The following MYO3B variants were observed in gnomAD, a reference collection of about 807,000 sequenced individuals.
The protein encoded by MYO3B is myosin IIIB.
In MYO3B, 156 loss-of-function variants were observed where a neutral mutation model predicts 174.6. That is an observed-to-expected ratio of 0.89 (90% CI 0.78 to 1.02). The LOEUF (loss-of-function observed/expected upper bound fraction) is 1.02. MYO3B is among the 50% of genes least tolerant of loss of function. The probability of loss-of-function intolerance (pLI) is 0.00; values close to 1 mark genes in which losing one functional copy is unlikely to be tolerated. For synonymous variants in MYO3B, 563 were observed against 569.1 expected (o/e 0.99, Z 0.15); for missense variants, 1,632 against 1,639.4 (o/e 1.00, Z 0.08).
rs558090338 is a variant in MYO3B at position 170,368,306 on chromosome 2, T to G, written c.816-916T>G. Reference sequence around the variant, plus strand: ...TTTATCCTAAGCCTCCAATGTGGGCTTAAGGACAAGTGGCTTAAAAGGGTA... The same window carrying G: ...TTTATCCTAAGCCTCCAATGTGGGCGTAAGGACAAGTGGCTTAAAAGGGTA... On this transcript the variant is annotated intron_variant, in intron 8 of 34. Transcript: ENST00000408978. Among the ~76,000 whole-genome samples, 208 of 152,348 alleles carry G rather than the reference T, an allele frequency of 1.4e-3. 1 individual carries two copies. The highest frequency in any genetic ancestry group is 3.7e-3 in the Admixed American group (56 of 15,304).
rs112803479 is a variant in MYO3B at position 170,252,702 on chromosome 2, A to G, written c.749+16566A>G. Among the ~76,000 whole-genome samples the G allele has an allele frequency of 3.2e-3, 492 of 152,308 alleles. 6 individuals carry two copies. Among genetic ancestry groups the G allele is most frequent in the African/African-American group, 0.011 (472 of 41,570 alleles). The stretch of plus-strand genomic sequence containing the variant: ...CCTGTATGAAGAAAAATAAAATGAG[A>G]TAAAGAGAATACAGAGTGACAGTTG... On this transcript the variant is annotated intron_variant, in intron 7 of 34. Transcript: ENST00000408978.
intron 8 of MYO3B, chr2:170,346,347 A>T (rs1426133733): frequency 6.6e-6 from 1 of 152,122 alleles, no homozygotes; most frequent in Non-Finnish European, 1.5e-5. Context: ...AGTGTATTTT[A>T]TGTGTGGTCG....
At chr2:170,182,569 T>C (rs954291387) in intron 1 of MYO3B, among the ~76,000 whole-genome samples, 1 of 152,038 alleles carries the variant, frequency 6.6e-6, no homozygotes, top group African/African-American at 2.4e-5. Flanking sequence ...TCACTAATTA[T>C]TCTTTTTTAA....
At chr2:170,260,997 A>G (rs573327031) in intron 7 of MYO3B, among the ~76,000 whole-genome samples, 11 of 152,088 alleles carry the variant, frequency 7.2e-5, no homozygotes, top group Admixed American at 3.9e-4. Context: ...TAAAGGATAC[A>G]TTTTTTCTTT....
intron 6 of MYO3B, among the ~76,000 whole-genome samples, chr2:170,221,189 G>A (rs1161679496): frequency 2.0e-5 from 3 of 151,986 alleles, no homozygotes; most frequent in African/African-American, 7.2e-5. Flanking sequence ...ACTTCTGCTT[G>A]TATGAATAAG....
intron 32 of MYO3B, among the ~76,000 whole-genome samples, chr2:170,571,123 T>C (rs1692411176): frequency 6.6e-6 from 1 of 152,164 alleles, no homozygotes; most frequent in Non-Finnish European, 1.5e-5. Context: ...TCCAAAGGAA[T>C]AGGAGATGTT....
In MYO3B at chr2:170,407,781, G is replaced by A. The variant is rs376964267; in HGVS notation, c.2587G>A (p.Val863Ile). 3.1e-6 allele frequency: 5 copies of A among 1,614,086 alleles called. No individual in the cohort carries two copies. The highest frequency in any genetic ancestry group is 4.2e-6 in the Non-Finnish European group (5 of 1,179,984). The change falls in exon 22 of 35, where the codon GTC (valine) becomes ATC (isoleucine). Residue 863 changes from valine to isoleucine, a missense_variant. Coordinates refer to ENST00000408978, the MANE Select transcript of MYO3B (RefSeq NM_138995.5). The stretch of plus-strand genomic sequence containing the variant: ...CACTCTCCCTGCCGATGTGGTTGTG[G>A]TCCTGAGAACGTCAGAAAACAAGCT... ...RDTLPADVVV[V>I]LRTSENKLLQ...
chr2:170,353,625 T>C lies in MYO3B; in HGVS notation c.816-15597T>C, dbSNP rs553503661. ...TTGTAACAAATGTACAGGTGGGGGA[T>C]GTTGACAGTGGAGAGGCTGTGCGTG... On this transcript the variant is annotated intron_variant, in intron 8 of 34. Transcript: ENST00000408978. 5.7e-4 allele frequency among the ~76,000 whole-genome samples: 87 copies of C among 152,224 alleles called. 1 individual carries two copies. The South Asian group carries it at 0.018, about 31-fold the overall frequency.
chr2:170,202,639 T>C (rs976614534), intron 3 of MYO3B, among the ~76,000 whole-genome samples: 20 of 152,304 alleles, frequency 1.3e-4, no homozygotes, highest in Admixed American at 9.8e-4. Context: ...CATTGGGTCA[T>C]GGAAACACAG....
intron 28 of MYO3B, 86 bp from the exon 29 acceptor site, chr2:170,514,835 C>A: frequency 8.5e-7 from 1 of 1,183,296 alleles, no homozygotes; most frequent in Non-Finnish European, 1.2e-6. Flanking sequence ...TGTGGATTTT[C>A]CTGGCCAACT....
chr2:170,551,348 AATTATTTATTT>A (rs1455688730), intron 32 of MYO3B, among the ~76,000 whole-genome samples: 167 of 143,788 alleles, frequency 1.2e-3, no homozygotes, highest in African/African-American at 4.1e-3. Context: ...AATTTAATTT[AATTATTTATTT>A]ATTTATTTAT....
intron 7 of MYO3B, among the ~76,000 whole-genome samples, chr2:170,267,132 TCAAA>T (rs2093389857): frequency 6.6e-6 from 1 of 152,188 alleles, no homozygotes; most frequent in Non-Finnish European, 1.5e-5. Flanking sequence ...CACAGAAAAC[TCAAA>T]CAGCAGCTGG....
At chr2:170,489,665 G>GTA (rs1204499834) in intron 25 of MYO3B, among the ~76,000 whole-genome samples, 2 of 144,484 alleles carry the variant, frequency 1.4e-5, no homozygotes, top group Non-Finnish European at 3.0e-5. Flanking sequence ...GTGTGTGTGT[G>GTA]TGTCTGGGTA....
chr2:170,192,399 A>G (rs4668219), intron 1 of MYO3B, among the ~76,000 whole-genome samples: 64,481 of 150,922 alleles, frequency 0.43, 14,961 homozygotes, highest in South Asian at 0.53. Context: ...AAGTAGTCAT[A>G]TAATTTTTGA....
intron 25 of MYO3B, among the ~76,000 whole-genome samples, chr2:170,478,827 C>T (rs1357898117): frequency 6.9e-6 from 1 of 145,602 alleles, no homozygotes; most frequent in Non-Finnish European, 1.5e-5. Context: ...AGGTCTTGGC[C>T]TCCCAAAATG....
chr2:170,614,808 C>T (rs879593541), intron 32 of MYO3B, among the ~76,000 whole-genome samples: 1 of 152,190 alleles, frequency 6.6e-6, no homozygotes, highest in African/African-American at 2.4e-5. Flanking sequence ...GGCCCTATCT[C>T]TTCTGTCTTT....
Position 170,386,182 on chromosome 2 carries a change from G to C in MYO3B, c.1291-7G>C, listed in dbSNP as rs373659316. ...TTCTTCACTTGACGCTCCATTTTCT[G>C]TGCCAGTGCATTGTCATCAGCGGAG... On this transcript the variant is annotated splice_polypyrimidine_tract_variant and splice_region_variant and intron_variant, in intron 12 of 34. Coordinates refer to ENST00000408978, the MANE Select transcript of MYO3B (RefSeq NM_138995.5). 4.3e-6 allele frequency: 7 copies of C among 1,612,750 alleles called. No individual in the cohort carries two copies. Among genetic ancestry groups the C allele is most frequent in the Non-Finnish European group, 3.4e-6 (4 of 1,179,228 alleles).
chr2:170,563,944 G>T (rs1182714065), intron 32 of MYO3B, among the ~76,000 whole-genome samples: 1 of 152,190 alleles, frequency 6.6e-6, no homozygotes, highest in Non-Finnish European at 1.5e-5. Context: ...ATGATTTAAG[G>T]GTTCTGTTAT....
rs183644481 is a variant in MYO3B, at chr2:170,489,756, C to T, written c.3015-8836C>T. On this transcript the variant is annotated intron_variant, in intron 25 of 34. Coordinates refer to ENST00000408978, the MANE Select transcript of MYO3B (RefSeq NM_138995.5). ...GACAGAATCCCTTTCTTCCTCGTCA[C>T]GGGACTTCAATCTTTTAAGGCCTTC... Among the ~76,000 whole-genome samples the T allele has an allele frequency of 2.9e-3, 444 of 151,860 alleles. 3 individuals carry two copies. Among genetic ancestry groups the T allele is most frequent in the Middle Eastern group, 0.01 (3 of 294 alleles).
Sources: allele counts gnomAD v4.1 joint callset (sites outside exome capture counted in the v4.1 genomes callset), GRCh38; gene constraint gnomAD v4.1.1; transcripts MANE v1.5; gene names NCBI Gene and HGNC (gene_info 2026-07-23, HGNC 2026-07-21).